The following THSD7A variants were observed in gnomAD, a reference collection of about 807,000 sequenced individuals.
The protein encoded by THSD7A is thrombospondin type-1 domain-containing protein 7A.
THSD7A carries 96 observed loss-of-function variants against 231.3 expected under a neutral mutation model. The observed-to-expected ratio is 0.41, with a 90% CI of 0.35 to 0.49. The LOEUF is 0.49. Ranked by LOEUF, THSD7A falls within the 20% of genes least tolerant of loss-of-function variation. THSD7A has a pLI of 0.05. For missense variants in THSD7A, 2,290 were observed against 2,070.2 expected, an observed-to-expected ratio of 1.11 and a Z score of -2.06; for synonymous variants, 940 against 743.3, an observed-to-expected ratio of 1.26 and a Z score of -4.30.
intron 2 of THSD7A, among the ~76,000 whole-genome samples, chr7:11,595,840 C>T (rs1253275715): frequency 6.6e-6 from 1 of 152,206 alleles, no homozygotes; most frequent in Non-Finnish European, 1.5e-5. Context: ...GGCACTCAAC[C>T]ATCAAAGGCA....
intron 6 of THSD7A, among the ~76,000 whole-genome samples, chr7:11,515,326 A>G (rs1472246638): frequency 6.6e-6 from 1 of 152,156 alleles, no homozygotes; most frequent in Non-Finnish European, 1.5e-5. Flanking sequence ...GAACAACTGT[A>G]AGAGATGATG....
chr7:11,678,912 C>T (rs1472327817), intron 1 of THSD7A, among the ~76,000 whole-genome samples: 1 of 152,150 alleles, frequency 6.6e-6, no homozygotes, highest in Non-Finnish European at 1.5e-5. Flanking sequence ...AAATTTCAGG[C>T]CAATATCCCT....
intron 1 of THSD7A, among the ~76,000 whole-genome samples, chr7:11,755,149 G>A (rs1583261131): frequency 1.3e-5 from 2 of 151,908 alleles, no homozygotes; most frequent in Admixed American, 6.6e-5. Context: ...GAGGATTGAG[G>A]GCTGCTTCTG....
At chr7:11,810,157 A>G (rs17149879) in intron 1 of THSD7A, among the ~76,000 whole-genome samples, 40,780 of 152,032 alleles carry the variant, frequency 0.27, 7,084 homozygotes, top group African/African-American at 0.49. Flanking sequence ...GGTAAAACTG[A>G]TAAGAATCCC....
At chr7:11,550,027 G>A (rs1037198593) in intron 4 of THSD7A, among the ~76,000 whole-genome samples, 3 of 151,972 alleles carry the variant, frequency 2.0e-5, no homozygotes, top group African/African-American at 7.3e-5. Flanking sequence ...CATCCAAATA[G>A]GAAGAGATAA....
At position 11,382,389 on chromosome 7, in the gene THSD7A, T is replaced by C; in HGVS notation, c.4507+132A>G. The C allele has an allele frequency of 4.2e-6, 3 of 721,510 alleles. No homozygotes were observed. In the South Asian group the frequency reaches 5.2e-5, roughly 12 times the overall value. The allele number at this position is 721,510 out of a possible 1,614,324, so 44.7% of individuals were successfully genotyped here. On this transcript the variant is annotated intron_variant, in intron 24 of 27. Transcript: ENST00000423059. ...TGGTCACCAGATGGGTATATACAGCTTAGGCATCCTGAATCCCAAACAGGC... is the reference window on the plus strand; with the variant it reads ...TGGTCACCAGATGGGTATATACAGCCTAGGCATCCTGAATCCCAAACAGGC...
At chr7:11,615,606 T>C (rs556007613) in intron 2 of THSD7A, among the ~76,000 whole-genome samples, 7 of 152,334 alleles carry the variant, frequency 4.6e-5, no homozygotes, top group African/African-American at 1.7e-4. Flanking sequence ...TTCTACACTA[T>C]ATATTTGGAT....
intron 2 of THSD7A, among the ~76,000 whole-genome samples, chr7:11,607,135 T>A (rs912956114): frequency 6.6e-6 from 1 of 152,134 alleles, no homozygotes; most frequent in Non-Finnish European, 1.5e-5. Flanking sequence ...TATGCTTTCA[T>A]GTAAAAAGAT....
At chr7:11,400,591 T>C (rs957815562) in intron 23 of THSD7A, among the ~76,000 whole-genome samples, 1 of 152,222 alleles carries the variant, frequency 6.6e-6, no homozygotes, top group Non-Finnish European at 1.5e-5. Flanking sequence ...TTTTATTTAT[T>C]GTAACTTTTG....
At chr7:11,578,137 C>A (rs59605847) in intron 4 of THSD7A, among the ~76,000 whole-genome samples, 43,925 of 152,030 alleles carry the variant, frequency 0.29, 6,474 homozygotes, top group South Asian at 0.41. Context: ...TACAATTAGC[C>A]TTTATTGCAT....
intron 6 of THSD7A, among the ~76,000 whole-genome samples, chr7:11,485,902 T>A (rs17556497): frequency 1.3e-5 from 2 of 152,178 alleles, no homozygotes; most frequent in African/African-American, 4.8e-5. Context: ...AACTGATCTA[T>A]GAGAATATGG....
rs1476566 is a variant in THSD7A, at chr7:11,411,752, T to G, written c.3683-430A>C. Reference sequence around the variant, plus strand: ...TCAGATAAAACATACATTTTATTTCTTATCCATATTTAGAATGCAAGAAAA... The same window carrying G: ...TCAGATAAAACATACATTTTATTTCGTATCCATATTTAGAATGCAAGAAAA... On this transcript the variant is annotated intron_variant, in intron 18 of 27. Transcript: ENST00000423059. The surrounding 1 kb of genome is among the most constrained non-coding windows in gnomAD (Gnocchi z 4.1). Among the ~76,000 whole-genome samples the G allele has an allele frequency of 1.3e-5, 2 of 151,908 alleles. No homozygotes were observed. The highest frequency in any genetic ancestry group is 4.8e-5 in the African/African-American group (2 of 41,328).
Position 11,379,426 on chromosome 7 carries a change from C to G in THSD7A, c.4591-146G>C, listed in dbSNP as rs1782419699. ...TCTATTATTTTTAACTACAAAGAAA[C>G]ATACTTTTGGCATTATATGAAAATG... On this transcript the variant is annotated intron_variant, in intron 25 of 27. Coordinates refer to ENST00000423059, the MANE Select transcript of THSD7A (RefSeq NM_015204.3). The G allele has an allele frequency of 1.2e-5, 11 of 903,020 alleles. No homozygotes were observed. In the South Asian group the frequency reaches 1.8e-4, roughly 14 times the overall value. The allele number at this position is 903,020 out of a possible 1,614,324, so 55.9% of individuals were successfully genotyped here.
intron 1 of THSD7A, among the ~76,000 whole-genome samples, chr7:11,705,467 A>T (rs2355063): frequency 0.39 from 59,039 of 150,640 alleles, 12,299 homozygotes; most frequent in African/African-American, 0.53. Flanking sequence ...TGTCAGAGTG[A>T]TTCTAGGAAT....
At chr7:11,721,991 C>T (rs921603005) in intron 1 of THSD7A, among the ~76,000 whole-genome samples, 1 of 151,832 alleles carries the variant, frequency 6.6e-6, no homozygotes, top group Non-Finnish European at 1.5e-5. Context: ...AAAACATTCT[C>T]ATCCTCTTGG....
intron 1 of THSD7A, among the ~76,000 whole-genome samples, chr7:11,781,418 C>A (rs896468888): frequency 3.3e-5 from 5 of 151,898 alleles, no homozygotes; most frequent in African/African-American, 7.3e-5. Context: ...TGTACTCTTG[C>A]CTGGGTGGCA....
chr7:11,513,140 G>A (rs2128313892), intron 6 of THSD7A, among the ~76,000 whole-genome samples: 1 of 151,282 alleles, frequency 6.6e-6, no homozygotes, highest in African/African-American at 2.4e-5. Flanking sequence ...TGATACAATG[G>A]ACTTTGGGGA....
intron 1 of THSD7A, among the ~76,000 whole-genome samples, chr7:11,725,906 A>T (rs4422687): frequency 0.84 from 127,380 of 151,966 alleles, 53,936 homozygotes; most frequent in African/African-American, 0.95. Context: ...GTTGCAACAT[A>T]AAATTTTACA....
At chr7:11,567,742 A>G (rs1054863460) in intron 4 of THSD7A, among the ~76,000 whole-genome samples, 6 of 152,134 alleles carry the variant, frequency 3.9e-5, no homozygotes, top group Non-Finnish European at 5.9e-5. Context: ...ACAGCTGTAT[A>G]TGGACCCTGT....
Sources: gnomAD v4.1 joint callset for allele counts (sites outside exome capture counted in the v4.1 genomes callset) on GRCh38, gnomAD v4.1.1 for gene constraint, Gnocchi (gnomAD v3.1) non-coding constraint, MANE v1.5 for transcripts, NCBI Gene and HGNC (gene_info 2026-07-23, HGNC 2026-07-21) for gene names.